BNC1: variants seen among roughly 807,000 people sequenced by gnomAD.
The protein encoded by BNC1 is basonuclin zinc finger protein 1, also known as zinc finger protein basonuclin-1.
BNC1 carries 8 observed loss-of-function variants against 66.5 expected under a neutral mutation model. The observed-to-expected ratio is 0.12, with a 90% CI of 0.07 to 0.22. The LOEUF is 0.22. Ranked by LOEUF, BNC1 falls within the 10% of genes least tolerant of loss-of-function variation. The probability of loss-of-function intolerance (pLI) is 1.00; values close to 1 mark genes in which losing one functional copy is unlikely to be tolerated. For synonymous variants in BNC1, 454 were observed against 452.6 expected (o/e 1.00, Z -0.04); for missense variants, 1,069 against 1,241.3 (o/e 0.86, Z 2.09).
chr15:83,266,015 C>CAATG (rs2038213898), intron 3 of BNC1, among the ~76,000 whole-genome samples: 1 of 152,086 alleles, frequency 6.6e-6, no homozygotes, highest in African/African-American at 2.4e-5. Context: ...CAAGAAAATA[C>CAATG]AATGCTGTAG....
chr15:83,267,941 A>G (rs1293548500), intron 2 of BNC1, among the ~76,000 whole-genome samples, 192 bp downstream of exon 2: 2 of 152,208 alleles, frequency 1.3e-5, no homozygotes, highest in African/African-American at 4.8e-5. Context: ...AATGAGGTTA[A>G]TAAGACACTT....
intron 4 of BNC1, among the ~76,000 whole-genome samples, chr15:83,259,269 A>G (rs757583740): frequency 1.3e-5 from 2 of 152,348 alleles, no homozygotes; most frequent in African/African-American, 2.4e-5. Context: ...GGGGGTTACA[A>G]TCTTAAAGGT....
intron 1 of BNC1, chr15:83,283,449 G>C (rs539586841): frequency 2.5e-6 from 3 of 1,224,230 alleles, no homozygotes; most frequent in Non-Finnish European, 3.0e-6. Flanking sequence ...CTCCCAGCAC[G>C]GAACCGACGG....
intron 1 of BNC1, among the ~76,000 whole-genome samples, chr15:83,269,149 G>A (rs932382347): frequency 3.3e-5 from 5 of 152,110 alleles, no homozygotes; most frequent in African/African-American, 1.2e-4. Flanking sequence ...GCTTAAACCC[G>A]GGAGGCTGAG....
At chr15:83,269,534 G>T (rs562583353) in intron 1 of BNC1, among the ~76,000 whole-genome samples, 1 of 152,236 alleles carries the variant, frequency 6.6e-6, no homozygotes, top group Non-Finnish European at 1.5e-5. Flanking sequence ...GGCCCTGCAT[G>T]GGGGAGAGGG....
intron 1 of BNC1, among the ~76,000 whole-genome samples, chr15:83,279,301 C>T (rs372841416): frequency 6.6e-6 from 1 of 152,002 alleles, no homozygotes; most frequent in East Asian, 1.9e-4. Context: ...TGTTGAATCC[C>T]CAAGCACATA....
intron 3 of BNC1, among the ~76,000 whole-genome samples, chr15:83,266,338 T>TG: frequency 6.6e-6 from 1 of 151,720 alleles, no homozygotes; most frequent in Non-Finnish European, 1.5e-5. Context: ...AATGCATACA[T>TG]GAACACAGAA....
intron 1 of BNC1, among the ~76,000 whole-genome samples, chr15:83,279,865 A>C (rs1464317523): frequency 1.3e-5 from 2 of 152,202 alleles, no homozygotes; most frequent in African/African-American, 4.8e-5. Flanking sequence ...GAGACCAAAG[A>C]CTGAGGGCAT....
At position 83,263,266 on chromosome 15, in the gene BNC1, A is replaced by G. The variant is rs1331254974; in HGVS notation, c.1985T>C (p.Met662Thr). The G allele has an allele frequency of 6.2e-7, 1 of 1,614,224 alleles. No individual in the cohort carries two copies. The highest frequency in any genetic ancestry group is 8.5e-7 in the Non-Finnish European group (1 of 1,180,032). Residue 662 changes from methionine (M) to threonine (T), a missense_variant, in exon 4 of 5, where the codon ATG becomes ACG. Transcript: ENST00000345382. ...GTCAGAAAAAGGAACTTGGGGTTCC[A>G]TCCCAGGTGTGAAGTAGTGTTCATG... is the stretch of plus-strand genomic sequence containing the variant. ...GGHEHYFTPG[M>T]EPQVPFSDYM... is the part of the protein sequence containing the mutation.
rs1005379712 is a variant in BNC1, at chr15:83,283,142, C to A, written c.99+1388G>T. 7.2e-6 allele frequency: 11 copies of A among 1,535,626 alleles called. No individual in the cohort carries two copies. The East Asian group carries it at 2.7e-4, about 38-fold the overall frequency. ...GATGGCATTCCACTTAACTGTCAGA[C>A]TCGGAGCGGTGGCAGCCCCGCAGCC... On this transcript the variant is annotated intron_variant, in intron 1 of 4. Transcript: ENST00000345382.
chr15:83,283,197 T>C (rs1018077521), intron 1 of BNC1: 33 of 1,535,512 alleles, frequency 2.1e-5, no homozygotes, highest in Admixed American at 1.4e-4. Context: ...GAGAAGAACA[T>C]GTTTCTACAC....
At chr15:83,258,749 A>G (rs2038111516) in intron 4 of BNC1, among the ~76,000 whole-genome samples, 1 of 152,346 alleles carries the variant, frequency 6.6e-6, no homozygotes, top group East Asian at 1.9e-4. Context: ...GTCCAATGAT[A>G]GCCACTAGCC....
At chr15:83,270,331 GT>G (rs2038257848) in intron 1 of BNC1, among the ~76,000 whole-genome samples, 2 of 152,208 alleles carry the variant, frequency 1.3e-5, no homozygotes, top group South Asian at 4.2e-4. Flanking sequence ...GTAGACACAT[GT>G]TTTCACTTCT....
intron 4 of BNC1, among the ~76,000 whole-genome samples, chr15:83,260,384 C>T (rs950914868): frequency 1.3e-5 from 2 of 151,912 alleles, no homozygotes; most frequent in Admixed American, 1.3e-4. Flanking sequence ...TTTTTAATTT[C>T]TAATATGATA....
At chr15:83,281,262 A>G (rs902171632) in intron 1 of BNC1, among the ~76,000 whole-genome samples, 1 of 152,250 alleles carries the variant, frequency 6.6e-6, no homozygotes, top group Non-Finnish European at 1.5e-5. Context: ...AACCAGTTTA[A>G]AAGGAAAAAG....
intron 1 of BNC1, chr15:83,283,370 C>G: frequency 7.3e-7 from 1 of 1,377,278 alleles, no homozygotes; most frequent in Non-Finnish European, 9.4e-7. Context: ...TCCGGAGGAG[C>G]AGCGGGAGAC....
chr15:83,276,284 T>A (rs1473355293), intron 1 of BNC1, among the ~76,000 whole-genome samples: 1 of 152,166 alleles, frequency 6.6e-6, no homozygotes, highest in Non-Finnish European at 1.5e-5. Context: ...ACCAAAAATA[T>A]CTAAGGTAAA....
chr15:83,277,962 A>C (rs2038343215), intron 1 of BNC1, among the ~76,000 whole-genome samples: 1 of 146,886 alleles, frequency 6.8e-6, no homozygotes, highest in Admixed American at 6.8e-5. Context: ...CTCACTTTTC[A>C]CTCCTTTCAC....
chr15:83,283,258 T>C, intron 1 of BNC1: 3 of 1,534,554 alleles, frequency 2.0e-6, no homozygotes, highest in Non-Finnish European at 1.7e-6. Context: ...ATATCAGATC[T>C]CCTTCACTCG....
Sources: gnomAD v4.1 joint callset for allele counts (sites outside exome capture counted in the v4.1 genomes callset) on GRCh38, gnomAD v4.1.1 for gene constraint, MANE v1.5 for transcripts, NCBI Gene and HGNC (gene_info 2026-07-23, HGNC 2026-07-21) for gene names.